Variants in STRN4 observed in about 807,000 individuals in gnomAD.
STRN4 encodes the protein striatin 4.
A neutral mutation model predicts 77.9 loss-of-function variants in STRN4; 27 were observed. The observed-to-expected ratio is 0.35, with a 90% CI of 0.26 to 0.48. The LOEUF (loss-of-function observed/expected upper bound fraction) is 0.48, where lower values mean the gene tolerates loss of function less well. STRN4 is among the 20% of genes least tolerant of loss of function. The pLI is 0.99. For missense variants in STRN4, 798 were observed against 1,049.7 expected (o/e 0.76, Z 3.31); for synonymous variants, 466 against 443.1 (o/e 1.05, Z -0.65).
intron 1 of STRN4, 95 bp downstream of exon 1, chr19:46,746,054 G>T: frequency 8.5e-7 from 1 of 1,172,850 alleles, no homozygotes; most frequent in Non-Finnish European, 1.1e-6. Context: ...CCGTCCCGGC[G>T]GCCATTGCTC....
Position 46,733,429 on chromosome 19 carries a change from A to G in STRN4, c.540-193T>C, listed in dbSNP as rs1363967535. 3.3e-6 allele frequency: 2 copies of G among 598,812 alleles called. No homozygotes were observed. The highest frequency in any genetic ancestry group is 5.7e-5 in the Admixed American group (2 of 35,144). The allele number at this position is 598,812 out of a possible 1,614,324, so 37.1% of individuals were successfully genotyped here. On this transcript the variant is annotated intron_variant, in intron 4 of 17. Transcript: ENST00000263280. This position sits in a 1 kb window ranked among gnomAD's most constrained non-coding sequence, Gnocchi z 4.3. ...AGTGGAAGCCCTTGTACACACACAC[A>G]ATGCTATGTGTGAGGGTGCTCCCTG...
At chr19:46,725,733 T>C (rs3848529) in intron 9 of STRN4, 85 bp from the exon 10 acceptor site, 556,915 of 1,509,562 alleles carry the variant, frequency 0.37, 104,325 homozygotes, top group Admixed American at 0.53. Context: ...TGAGGGCCCC[T>C]GTCTTCCACC....
At chr19:46,735,693 G>A (rs1192607950) in intron 4 of STRN4, among the ~76,000 whole-genome samples, 3 of 152,096 alleles carry the variant, frequency 2.0e-5, no homozygotes, top group Non-Finnish European at 4.4e-5. Context: ...GGCTGGGCGC[G>A]GTGGCTCACA....
intron 1 of STRN4, 122 bp downstream of exon 1, chr19:46,746,026 CT>C: frequency 1.6e-6 from 2 of 1,213,932 alleles, no homozygotes; most frequent in Admixed American, 4.4e-5. Flanking sequence ...TCGCGGTCCC[CT>C]CCCGCCCCCC....
rs1173214401 is a variant in STRN4 at position 46,741,140 on chromosome 19, A to G, written c.283-2252T>C. 1.3e-5 allele frequency among the ~76,000 whole-genome samples: 2 copies of G among 152,092 alleles called. No individual in the cohort carries two copies. The highest frequency in any genetic ancestry group is 6.5e-5 in the Admixed American group (1 of 15,272). ...TTCTGGAGGGAGACTAGAGGGAGGG[A>G]GCAGGAGAGCGGCAGAGCTGGACAC... On this transcript the variant is annotated intron_variant, in intron 1 of 17. Transcript: ENST00000263280. The surrounding 1 kb of genome is among the most constrained non-coding windows in gnomAD (Gnocchi z 4.9).
At chr19:46,727,781 C>G (rs987459475) in intron 8 of STRN4, 113 bp downstream of exon 8, 1 of 1,011,908 alleles carries the variant, frequency 9.9e-7, no homozygotes, top group African/African-American at 1.6e-5. Flanking sequence ...AGGGAGGCTG[C>G]AGACTGGAGG....
chr19:46,728,877 T>A (rs2054185668), intron 6 of STRN4, 100 bp from the exon 7 acceptor site: 24 of 1,518,722 alleles, frequency 1.6e-5, no homozygotes, highest in Non-Finnish European at 2.0e-5. Context: ...CTGGGCCCGT[T>A]TCTGTTCATG....
intron 7 of STRN4, 85 bp downstream of exon 7, chr19:46,728,533 A>T (rs2054176861): frequency 1.3e-6 from 2 of 1,503,126 alleles, no homozygotes; most frequent in South Asian, 2.5e-5. Flanking sequence ...GACCCTGTAC[A>T]GGAAGCAGCT....
chr19:46,728,076 T>C (rs1033006930), intron 7 of STRN4, 69 bp from the exon 8 acceptor site: 4 of 1,406,294 alleles, frequency 2.8e-6, no homozygotes, highest in Non-Finnish European at 2.9e-6. Flanking sequence ...GGTGACGCCT[T>C]CCCCACACTG....
Position 46,727,474 on chromosome 19 carries a change from T to C in STRN4, c.1226A>G (p.Asn409Ser). The C allele has an allele frequency of 6.2e-7, 1 of 1,613,848 alleles. No homozygotes were observed. Among genetic ancestry groups the C allele is most frequent in the Non-Finnish European group, 8.5e-7 (1 of 1,179,886 alleles). Residue 409 changes from asparagine to serine, a missense_variant, in exon 9 of 18, where the codon AAC becomes AGC. Asn to Ser is a conservative substitution (Grantham distance 46, BLOSUM62 1). This residue lies in a region of STRN4 where 511 missense variants were observed against 575.9 expected (regional missense o/e 0.89). Coordinates refer to ENST00000263280, the MANE Select transcript of STRN4 (RefSeq NM_013403.3). ...LGDLADLTVT[N>S]DNDLSCDLSD... is the part of the protein sequence containing the mutation. ...TACATCGCAGCTGAGGTCGTTGTCG[T>C]TGGTGACGGTGAGATCTGCCAAGTC...
intron 14 of STRN4, 30 bp from the exon 15 acceptor site, chr19:46,722,370 T>C: frequency 1.2e-6 from 2 of 1,602,554 alleles, no homozygotes; most frequent in East Asian, 2.2e-5. Context: ...GAGGGAAGGA[T>C]GTCAAGCAGA....
Position 46,727,523 on chromosome 19 carries a change from C to A in STRN4, c.1177G>T (p.Gly393Trp). 2 of 1,613,910 alleles carry A rather than the reference C, an allele frequency of 1.2e-6. No homozygotes were observed. Among genetic ancestry groups the A allele is most frequent in the Non-Finnish European group, 1.7e-6 (2 of 1,179,958 alleles). Residue 393 changes from glycine to tryptophan, a missense_variant, in exon 9 of 18, where the codon GGG (glycine) becomes TGG (tryptophan). Transcript: ENST00000263280. Reference sequence around the variant, plus strand: ...TCCCCCAGGCTCACCTCCCCGCCCCCGATAGTGTCCATGATGAAGACGTCT... The same window carrying A: ...TCCCCCAGGCTCACCTCCCCGCCCCAGATAGTGTCCATGATGAAGACGTCT... The part of the protein sequence containing the change: ...HEDVFIMDTI[G>W]GGEVSLGDLA...
At chr19:46,744,778 C>T (rs546944162) in intron 1 of STRN4, among the ~76,000 whole-genome samples, 2 of 151,960 alleles carry the variant, frequency 1.3e-5, no homozygotes, top group African/African-American at 2.4e-5. Context: ...TGGGCTGCTA[C>T]AAGCAGGTAA....
intron 5 of STRN4, 82 bp downstream of exon 5, chr19:46,732,956 GC>G: frequency 6.7e-7 from 1 of 1,497,296 alleles, no homozygotes; most frequent in Non-Finnish European, 9.0e-7. Context: ...GGCACCCAGC[GC>G]CATCAGCTGA....
Position 46,724,787 on chromosome 19 carries a change from G to A in STRN4, c.1594+20C>T. ...AGGCCCCAGTGGATGTGAGGGGAAG[G>A]CGGGAGGCGTTGTCCTCACCGTAGC... On this transcript the variant is annotated intron_variant, in intron 12 of 17. Transcript: ENST00000263280. 4 of 1,613,886 alleles carry A rather than the reference G, an allele frequency of 2.5e-6. No individual in the cohort carries two copies. Among genetic ancestry groups the A allele is most frequent in the Non-Finnish European group, 3.4e-6 (4 of 1,180,002 alleles).
chr19:46,738,762 C>A lies in STRN4; in HGVS notation c.386+23G>T. 1.9e-6 allele frequency: 3 copies of A among 1,612,786 alleles called. No homozygotes were observed. The highest frequency in any genetic ancestry group is 2.5e-6 in the Non-Finnish European group (3 of 1,179,048). ...GCTTGAGACGGACCCAGAAGGCAGG[C>A]CCAGGGCAGGATGAAGGCTCACCTT... is the stretch of plus-strand genomic sequence containing the variant. On this transcript the variant is annotated intron_variant, in intron 2 of 17. Coordinates refer to ENST00000263280, the MANE Select transcript of STRN4 (RefSeq NM_013403.3). This position sits in a 1 kb window ranked among gnomAD's most constrained non-coding sequence, Gnocchi z 4.5.
intron 1 of STRN4, among the ~76,000 whole-genome samples, chr19:46,743,375 CAAG>C (rs1409477403): frequency 2.6e-5 from 4 of 152,144 alleles, no homozygotes; most frequent in African/African-American, 9.7e-5. Context: ...TCTCAAACTC[CAAG>C]AAGGGTCAGT....
intron 16 of STRN4, 70 bp downstream of exon 16, chr19:46,721,916 C>T: frequency 6.3e-7 from 1 of 1,577,712 alleles, no homozygotes; most frequent in Non-Finnish European, 8.7e-7. Flanking sequence ...GAGCACTTGC[C>T]TGGAGCCAGT....
At chr19:46,722,391 G>A in intron 14 of STRN4, 51 bp from the exon 15 acceptor site, 1 of 1,565,204 alleles carries the variant, frequency 6.4e-7, no homozygotes, top group Non-Finnish European at 8.8e-7. Flanking sequence ...AAATCAGGAA[G>A]ACCAGAACAG....
Sources: gnomAD v4.1 joint callset for allele counts (sites outside exome capture counted in the v4.1 genomes callset) on GRCh38, gnomAD v4.1.1 for gene constraint, gnomAD v4.1.1 regional missense constraint, Gnocchi (gnomAD v3.1) non-coding constraint, MANE v1.5 for transcripts, NCBI Gene and HGNC (gene_info 2026-07-23, HGNC 2026-07-21) for gene names.